CNTN4: variants seen among roughly 807,000 people sequenced by gnomAD.
The protein encoded by CNTN4 is contactin-4.
Under a neutral mutation model 122.5 loss-of-function variants are expected in CNTN4, and 77 were observed. The ratio of observed to expected loss-of-function variants is 0.63; its 90% confidence interval spans 0.52 to 0.76. The LOEUF (loss-of-function observed/expected upper bound fraction) is 0.76. Ranked by LOEUF, CNTN4 falls within the 30% of genes least tolerant of loss-of-function variation. The pLI, the probability that CNTN4 is intolerant of heterozygous loss-of-function variation, is 0.00. For missense variants in CNTN4, 1,256 were observed against 1,259.1 expected, an observed-to-expected ratio of 1.00 and a Z score of 0.04; for synonymous variants, 512 against 447.0, an observed-to-expected ratio of 1.15 and a Z score of -1.83.
intron 2 of CNTN4, among the ~76,000 whole-genome samples, chr3:2,314,227 A>T (rs1430398799): frequency 1.3e-5 from 2 of 151,996 alleles, no homozygotes; most frequent in Admixed American, 6.6e-5. Context: ...GTTAAATATG[A>T]TACAGAATTT....
At position 2,834,110 on chromosome 3, in the gene CNTN4, C is replaced by G. The variant is rs889253643; in HGVS notation, c.454+14529C>G. ...GCAGTAAGCCGAGATCGCCACTGCTCTCCAGCCTGGGCAACAGAGCAAGAC... is the reference window on the plus strand; with the variant it reads ...GCAGTAAGCCGAGATCGCCACTGCTGTCCAGCCTGGGCAACAGAGCAAGAC... On this transcript the variant is annotated intron_variant, in intron 7 of 24. Coordinates refer to ENST00000418658, the MANE Select transcript of CNTN4 (RefSeq NM_175607.3). Among the ~76,000 whole-genome samples, 4 of 152,096 alleles carry G rather than the reference C, an allele frequency of 2.6e-5. No individual in the cohort carries two copies. The East Asian group carries it at 5.8e-4, about 22-fold the overall frequency.
chr3:2,409,170 C>T (rs1450778918), intron 3 of CNTN4, among the ~76,000 whole-genome samples: 1 of 151,808 alleles, frequency 6.6e-6, no homozygotes, highest in Admixed American at 6.6e-5. Flanking sequence ...AAAGCACACT[C>T]ATCTTGCAGG....
At chr3:3,044,031 T>TCA (rs1390206252) in intron 23 of CNTN4, among the ~76,000 whole-genome samples, 1 of 152,198 alleles carries the variant, frequency 6.6e-6, no homozygotes, top group Non-Finnish European at 1.5e-5. Flanking sequence ...CTGTCTCGGT[T>TCA]TATATATATT....
chr3:2,638,678 G>A (rs2082771371), intron 4 of CNTN4, among the ~76,000 whole-genome samples: 1 of 152,108 alleles, frequency 6.6e-6, no homozygotes, highest in African/African-American at 2.4e-5. Flanking sequence ...CATATACAGT[G>A]TGATGACTAA....
At chr3:2,510,562 C>T (rs2076857297) in intron 3 of CNTN4, among the ~76,000 whole-genome samples, 2 of 152,022 alleles carry the variant, frequency 1.3e-5, no homozygotes, top group South Asian at 2.1e-4. Flanking sequence ...GTGACACAGG[C>T]GCTGAGTCTC....
At position 2,100,632 on chromosome 3, in the gene CNTN4, C is replaced by T. The variant is rs2031858679; in HGVS notation, c.-152C>T. Reference sequence around the variant, plus strand: ...TGGGTGGCATTCATGAGAAAATTCACGTTACCCGTAAGTTTATTCTTGCTA... The same window carrying T: ...TGGGTGGCATTCATGAGAAAATTCATGTTACCCGTAAGTTTATTCTTGCTA... On this transcript the variant is annotated 5_prime_UTR_variant, in exon 2 of 25. In the 5' UTR this introduces an upstream ATG that the reference lacks. Transcript: ENST00000418658. The T allele has an allele frequency of 6.6e-6, 1 of 152,170 alleles. No homozygotes were observed. The highest frequency in any genetic ancestry group is 2.4e-5 in the African/African-American group (1 of 41,436). The allele number at this position is 152,170 out of a possible 1,614,324, so 9.4% of individuals were successfully genotyped here.
At chr3:2,169,306 A>G (rs1396099856) in intron 2 of CNTN4, among the ~76,000 whole-genome samples, 1 of 152,186 alleles carries the variant, frequency 6.6e-6, no homozygotes, top group Non-Finnish European at 1.5e-5. Flanking sequence ...ATACATTGAA[A>G]AGATAAATTC....
At chr3:2,163,123 C>A (rs2036036352) in intron 2 of CNTN4, among the ~76,000 whole-genome samples, 1 of 152,126 alleles carries the variant, frequency 6.6e-6, no homozygotes, top group Non-Finnish European at 1.5e-5. Flanking sequence ...CTATAGTTAC[C>A]AAATCAGCAT....
In CNTN4 at chr3:3,009,103, C is replaced by G. The variant is rs928575496; in HGVS notation, c.1487-16999C>G. Reference sequence around the variant, plus strand: ...AGCCACAATTAGGGAAGTACCATGCCTTGCCCTGGCATGACTGGAGAGTAG... The same window carrying G: ...AGCCACAATTAGGGAAGTACCATGCGTTGCCCTGGCATGACTGGAGAGTAG... On this transcript the variant is annotated intron_variant, in intron 14 of 24. Coordinates refer to ENST00000418658, the MANE Select transcript of CNTN4 (RefSeq NM_175607.3). The G allele has an allele frequency of 7.9e-6, 7 of 889,568 alleles. No individual in the cohort carries two copies. The Admixed American group carries it at 2.5e-4, about 31-fold the overall frequency. 55.1% of individuals were successfully genotyped at this position (889,568 alleles called of 1,614,324 possible).
At chr3:2,817,053 C>T (rs942586413) in intron 6 of CNTN4, among the ~76,000 whole-genome samples, 5 of 152,060 alleles carry the variant, frequency 3.3e-5, no homozygotes, top group Non-Finnish European at 5.9e-5. Context: ...ATATTCATAC[C>T]TGAAAAGAAC....
chr3:2,160,991 C>T (rs948384388), intron 2 of CNTN4, among the ~76,000 whole-genome samples: 5 of 151,874 alleles, frequency 3.3e-5, no homozygotes, highest in African/African-American at 9.7e-5. Flanking sequence ...CTGTTGTTTA[C>T]TTATGGTTGT....
intron 14 of CNTN4, among the ~76,000 whole-genome samples, chr3:3,011,934 G>T (rs1247780782): frequency 6.6e-6 from 1 of 152,064 alleles, no homozygotes; most frequent in African/African-American, 2.4e-5. Flanking sequence ...GGATGGTAAT[G>T]ATATCTTTAT....
chr3:2,870,285 G>T (rs754121530), intron 8 of CNTN4, among the ~76,000 whole-genome samples: 1 of 152,156 alleles, frequency 6.6e-6, no homozygotes, highest in African/African-American at 2.4e-5. Context: ...TTATCACAAA[G>T]TTAGCAGACT....
chr3:2,521,327 GGT>G (rs2077204737), intron 3 of CNTN4, among the ~76,000 whole-genome samples: 1 of 145,900 alleles, frequency 6.9e-6, no homozygotes, highest in Admixed American at 7.1e-5. Flanking sequence ...TGTGAACAAG[GGT>G]GGACCTCTAC....
At chr3:2,639,058 C>A (rs1026091301) in intron 4 of CNTN4, among the ~76,000 whole-genome samples, 1 of 152,212 alleles carries the variant, frequency 6.6e-6, no homozygotes, top group Non-Finnish European at 1.5e-5. Flanking sequence ...TCCTCCTACA[C>A]TGTATTTTCA....
At chr3:2,411,809 C>A (rs945676606) in intron 3 of CNTN4, among the ~76,000 whole-genome samples, 3 of 152,102 alleles carry the variant, frequency 2.0e-5, no homozygotes, top group Admixed American at 1.3e-4. Context: ...TATTTCGAAG[C>A]ATCGTTTTCC....
rs1226301551 is a variant in CNTN4, at chr3:2,230,598, C to A, written c.-144-108580C>A. Among the ~76,000 whole-genome samples the A allele has an allele frequency of 1.3e-5, 2 of 152,078 alleles. 1 individual carries two copies. Among genetic ancestry groups the A allele is most frequent in the South Asian group, 4.1e-4 (2 of 4,822 alleles). On this transcript the variant is annotated intron_variant, in intron 2 of 24. Transcript: ENST00000418658. The stretch of plus-strand genomic sequence containing the variant: ...TTAGAAACTAACTTAATCACTGGAA[C>A]CATCAAAGCACCCACGGGTACATAC...
chr3:2,407,627 G>C (rs1045777943), intron 3 of CNTN4, among the ~76,000 whole-genome samples: 5 of 152,240 alleles, frequency 3.3e-5, no homozygotes, highest in African/African-American at 1.2e-4. Context: ...CTTCGTACTT[G>C]CTTCCTCCTC....
chr3:2,682,688 G>A (rs1003086644), intron 4 of CNTN4, among the ~76,000 whole-genome samples: 3 of 152,074 alleles, frequency 2.0e-5, no homozygotes, highest in Admixed American at 2.0e-4. Flanking sequence ...TAGACTGAAA[G>A]GTAGGAATTG....
Sources: gnomAD v4.1 joint callset for allele counts (sites outside exome capture counted in the v4.1 genomes callset) on GRCh38, gnomAD v4.1.1 for gene constraint, MANE v1.5 for transcripts, NCBI Gene and HGNC (gene_info 2026-07-23, HGNC 2026-07-21) for gene names.